ATP6V1H: variants seen among roughly 807,000 people sequenced by gnomAD.
ATP6V1H encodes the protein V-type proton ATPase subunit H.
ATP6V1H carries 39 observed loss-of-function variants against 71.7 expected under a neutral mutation model. The ratio of observed to expected loss-of-function variants is 0.54; its 90% CI spans 0.42 to 0.71. The LOEUF is 0.71. Ranked by LOEUF, ATP6V1H falls within the 30% of genes least tolerant of loss-of-function variation. The pLI, the probability that ATP6V1H is intolerant of heterozygous loss-of-function variation, is 0.00. For missense variants in ATP6V1H, 509 were observed against 594.9 expected (o/e 0.86, Z 1.50); for synonymous variants, 192 against 199.3 (o/e 0.96, Z 0.31).
intron 13 of ATP6V1H, among the ~76,000 whole-genome samples, chr8:53,726,075 C>G (rs1328765012): frequency 6.6e-6 from 1 of 152,128 alleles, no homozygotes; most frequent in East Asian, 1.9e-4. Context: ...AACATTAATA[C>G]AAGCCACATA....
intron 13 of ATP6V1H, among the ~76,000 whole-genome samples, chr8:53,727,807 C>T (rs571291578): frequency 1.3e-5 from 2 of 152,308 alleles, no homozygotes; most frequent in African/African-American, 4.8e-5. Context: ...AAAAAATGAA[C>T]TCCTCAGTGC....
intron 13 of ATP6V1H, among the ~76,000 whole-genome samples, chr8:53,734,715 T>C (rs946638367): frequency 6.6e-6 from 1 of 152,170 alleles, no homozygotes; most frequent in African/African-American, 2.4e-5. Flanking sequence ...CCACTACAGT[T>C]GCTTTAGGGA....
In ATP6V1H at chr8:53,756,008, C is replaced by T. The variant is rs528543295; in HGVS notation, c.1277+547G>A. Among the ~76,000 whole-genome samples the T allele has an allele frequency of 2.6e-3, 372 of 143,906 alleles. 2 individuals are homozygous for T. Among genetic ancestry groups the T allele is most frequent in the African/African-American group, 9.1e-3 (355 of 38,996 alleles). 94.4% of individuals were successfully genotyped at this position (143,906 alleles called of 152,430 possible). Reference sequence around the variant, plus strand: ...TCCTGACCTTGTGATCCGCCCGCCTCGGCCTCCCAAAGTGCTGGGATTACA... The same window carrying T: ...TCCTGACCTTGTGATCCGCCCGCCTTGGCCTCCCAAAGTGCTGGGATTACA... On this transcript the variant is annotated intron_variant, in intron 12 of 13. Coordinates refer to ENST00000359530, the MANE Select transcript of ATP6V1H (RefSeq NM_015941.4).
chr8:53,813,152 CTTGT>C (rs1810338640), intron 6 of ATP6V1H, among the ~76,000 whole-genome samples: 2 of 152,172 alleles, frequency 1.3e-5, no homozygotes, highest in African/African-American at 4.8e-5. Flanking sequence ...TTTTAAATAG[CTTGT>C]TTTTGAAATA....
At chr8:53,772,694 C>T (rs1808709923) in intron 9 of ATP6V1H, among the ~76,000 whole-genome samples, 4 of 151,982 alleles carry the variant, frequency 2.6e-5, no homozygotes, top group African/African-American at 7.2e-5. Context: ...GGCAAATTCC[C>T]GAGTTCTCTT....
chr8:53,798,148 T>C (rs748263239), intron 8 of ATP6V1H, among the ~76,000 whole-genome samples: 1 of 152,212 alleles, frequency 6.6e-6, no homozygotes, highest in Non-Finnish European at 1.5e-5. Context: ...TAAACAGTGT[T>C]GTATTATGTA....
intron 6 of ATP6V1H, among the ~76,000 whole-genome samples, chr8:53,814,365 T>G (rs1191141213): frequency 6.6e-6 from 1 of 152,004 alleles, no homozygotes; most frequent in Non-Finnish European, 1.5e-5. Flanking sequence ...CTTTCAGTTC[T>G]CCAGCCTGTA....
intron 4 of ATP6V1H, among the ~76,000 whole-genome samples, chr8:53,818,203 AT>A (rs1262005189): frequency 6.6e-6 from 1 of 152,084 alleles, no homozygotes; most frequent in Non-Finnish European, 1.5e-5. Flanking sequence ...TTTTTTAAAA[AT>A]TTTTTTACTA....
At chr8:53,761,338 A>T (rs1442210312) in intron 11 of ATP6V1H, among the ~76,000 whole-genome samples, 3 of 148,454 alleles carry the variant, frequency 2.0e-5, no homozygotes, top group African/African-American at 7.3e-5. Flanking sequence ...CTCCGTCTCA[A>T]AAAAAAAAAA....
At position 53,761,074 on chromosome 8, in the gene ATP6V1H, C is replaced by T. The variant is rs138634630; in HGVS notation, c.1176-4418G>A. ...TATACTAGCCAGGCGCGGTGGCTCA[C>T]GCCTGTAATCCCAGCACTTTGGGAG... On this transcript the variant is annotated intron_variant, in intron 11 of 13. Transcript: ENST00000359530. Among the ~76,000 whole-genome samples the T allele has an allele frequency of 2.8e-3, 429 of 151,182 alleles. 2 individuals carry two copies. The highest frequency in any genetic ancestry group is 0.01 in the African/African-American group (410 of 40,572).
chr8:53,764,948 A>T (rs1332555942), intron 11 of ATP6V1H, among the ~76,000 whole-genome samples: 2 of 152,120 alleles, frequency 1.3e-5, no homozygotes, highest in African/African-American at 4.8e-5. Context: ...AAATTTAACA[A>T]AAACAAAATA....
chr8:53,746,435 T>A (rs547999702), intron 12 of ATP6V1H, among the ~76,000 whole-genome samples: 3 of 152,060 alleles, frequency 2.0e-5, no homozygotes, highest in Non-Finnish European at 4.4e-5. Context: ...CAGCTCATTT[T>A]TGTATTTTTA....
chr8:53,720,790 C>T lies in ATP6V1H; in HGVS notation c.1392-4766G>A, dbSNP rs550865042. ...AAACTACTAAGTCTCTTTTATTTTC[C>T]TTTTTTGGCCTTGCCTGTCCACAAA... On this transcript the variant is annotated intron_variant, in intron 13 of 13. Coordinates refer to ENST00000359530, the MANE Select transcript of ATP6V1H (RefSeq NM_015941.4). Among the ~76,000 whole-genome samples the T allele has an allele frequency of 3.3e-4, 50 of 152,178 alleles. 1 individual carries two copies. Among genetic ancestry groups the T allele is most frequent in the African/African-American group, 1.1e-3 (47 of 41,516 alleles).
chr8:53,799,524 G>A (rs561788846), intron 8 of ATP6V1H, among the ~76,000 whole-genome samples: 17 of 152,182 alleles, frequency 1.1e-4, no homozygotes, highest in African/African-American at 2.7e-4. Flanking sequence ...TCAGAAAGAC[G>A]TGCTTACAAG....
At position 53,829,523 on chromosome 8, in the gene ATP6V1H, G is replaced by C; in HGVS notation, c.227C>G (p.Thr76Arg). The C allele has an allele frequency of 6.4e-7, 1 of 1,572,746 alleles. No individual in the cohort carries two copies. ...LQTEGSQCAK[T>R]FINLMTHICK... is the part of the protein sequence containing the mutation. Reference sequence around the variant, plus strand: ...GATATGAGTCATCAGATTTATAAATGTTTTAGCACACTAAAAAAAAAAATG... The same window carrying C: ...GATATGAGTCATCAGATTTATAAATCTTTTAGCACACTAAAAAAAAAAATG... The change falls in exon 4 of 14, where the codon ACA (threonine) becomes AGA (arginine). Residue 76 changes from threonine to arginine, a missense_variant. By Grantham distance (71) the Thr-to-Arg change is moderately conservative. Around this residue, in one of 2 missense-constraint regions of ATP6V1H, gnomAD observed 297 missense variants for 303.3 expected, o/e 0.98. Transcript: ENST00000359530.
intron 12 of ATP6V1H, among the ~76,000 whole-genome samples, chr8:53,748,603 T>C (rs1807687676): frequency 6.6e-6 from 1 of 152,148 alleles, no homozygotes; most frequent in African/African-American, 2.4e-5. Flanking sequence ...ACTCTGTAGA[T>C]GGAAAATACC....
chr8:53,806,146 GA>G (rs1329619290), intron 7 of ATP6V1H, among the ~76,000 whole-genome samples: 1 of 152,040 alleles, frequency 6.6e-6, no homozygotes, highest in African/African-American at 2.4e-5. Flanking sequence ...GTAAAAACTA[GA>G]ACAAGAATCA....
chr8:53,733,016 G>A (rs748968512), intron 13 of ATP6V1H, among the ~76,000 whole-genome samples: 3 of 152,276 alleles, frequency 2.0e-5, no homozygotes, highest in African/African-American at 4.8e-5. Context: ...AGACAAGGAC[G>A]GGCATATGGT....
chr8:53,717,526 T>G (rs1033670454), intron 13 of ATP6V1H, among the ~76,000 whole-genome samples: 1 of 152,250 alleles, frequency 6.6e-6, no homozygotes, highest in Non-Finnish European at 1.5e-5. Flanking sequence ...AATATTCTTG[T>G]GCTACCAGGA....
Sources: allele counts gnomAD v4.1 joint callset (sites outside exome capture counted in the v4.1 genomes callset), GRCh38; gene constraint gnomAD v4.1.1; regional missense constraint gnomAD v4.1.1; transcripts MANE v1.5; gene names NCBI Gene and HGNC (gene_info 2026-07-23, HGNC 2026-07-21).